CACNA1A: variants seen among roughly 807,000 people sequenced by gnomAD.
The protein encoded by CACNA1A is voltage-dependent P/Q-type calcium channel subunit alpha-1A.
CACNA1A carries 57 observed loss-of-function variants against 262.4 expected under a neutral mutation model. That is an observed-to-expected ratio of 0.22 (90% CI 0.18 to 0.27). The LOEUF is 0.27. Ranked by LOEUF, CACNA1A falls within the 10% of genes least tolerant of loss-of-function variation. CACNA1A has a pLI of 1.00. For missense variants in CACNA1A, 2,526 were observed against 3,562.8 expected (o/e 0.71, Z 7.41); for synonymous variants, 1,431 against 1,419.3 (o/e 1.01, Z -0.18).
chr19:13,368,764 C>A (rs1356459009), intron 4 of CACNA1A, among the ~76,000 whole-genome samples: 4 of 129,092 alleles, frequency 3.1e-5, no homozygotes, highest in Non-Finnish European at 5.9e-5. Context: ...GCTGGCCGGG[C>A]GCGGTGGCTC....
At chr19:13,227,283 GA>G (rs1022720032) in intron 37 of CACNA1A, 147 bp downstream of exon 37, 85 of 436,780 alleles carry the variant, frequency 1.9e-4, no homozygotes, top group African/African-American at 1.3e-3. Context: ...CTCGAGAAAA[GA>G]AAAAAAAGAA....
At chr19:13,470,610 C>T (rs2061332168) in intron 1 of CACNA1A, among the ~76,000 whole-genome samples, 1 of 152,142 alleles carries the variant, frequency 6.6e-6, no homozygotes, top group Non-Finnish European at 1.5e-5. Context: ...TCTTGTTGCC[C>T]TTTCTCCCTA....
rs560368838 is a variant in CACNA1A, at chr19:13,278,530, C to A, written c.3823-1402G>T. 2.0e-5 allele frequency among the ~76,000 whole-genome samples: 3 copies of A among 152,244 alleles called. No homozygotes were observed. The East Asian group carries it at 5.8e-4, about 29-fold the overall frequency. ...CTCCTGGTGCTTGAGATCCTCTTTA[C>A]GAAGTCTCTCCTTCCCTCTGCCCAC... On this transcript the variant is annotated intron_variant, in intron 22 of 46. Coordinates refer to ENST00000360228, the MANE Select transcript of CACNA1A (RefSeq NM_001127222.2).
chr19:13,455,647 G>A (rs921901388), intron 1 of CACNA1A, among the ~76,000 whole-genome samples: 2 of 152,112 alleles, frequency 1.3e-5, no homozygotes, highest in East Asian at 1.9e-4. Context: ...CATCATATAT[G>A]CTATGTTATG....
chr19:13,344,881 A>G (rs548057557), intron 6 of CACNA1A, among the ~76,000 whole-genome samples: 1 of 152,088 alleles, frequency 6.6e-6, no homozygotes, highest in East Asian at 1.9e-4. Context: ...CGGCCTCCCA[A>G]GTAGCTGGGA....
chr19:13,235,950 G>A, intron 31 of CACNA1A: 1 of 485,476 alleles, frequency 2.1e-6, no homozygotes. Flanking sequence ...GGAGGAAAAG[G>A]CATCAACTCA....
At chr19:13,490,857 GAGAAAGGAA>G (rs1461992871) in intron 1 of CACNA1A, among the ~76,000 whole-genome samples, 2 of 139,704 alleles carry the variant, frequency 1.4e-5, no homozygotes, top group African/African-American at 5.4e-5. Flanking sequence ...AGGAGGGAAA[GAGAAAGGAA>G]AGGAAGGAAA....
At chr19:13,261,136 C>G (rs1471206697) in intron 26 of CACNA1A, 4 of 261,714 alleles carry the variant, frequency 1.5e-5, no homozygotes, top group Non-Finnish European at 2.2e-5. Context: ...AAAATATTCT[C>G]AACTTTGAAA....
chr19:13,397,693 G>GCT (rs1185993063), intron 3 of CACNA1A, among the ~76,000 whole-genome samples: 2 of 152,162 alleles, frequency 1.3e-5, no homozygotes, highest in Non-Finnish European at 2.9e-5. Flanking sequence ...CTTCCTGGAT[G>GCT]CTCAGTTAGA....
Position 13,207,712 on chromosome 19 carries a change from CG to C in CACNA1A, c.7121del (p.Pro2374ArgfsTer234). The C allele has an allele frequency of 1.5e-6, 2 of 1,361,746 alleles. No individual in the cohort carries two copies. The highest frequency in any genetic ancestry group is 1.9e-6 in the Non-Finnish European group (2 of 1,061,588). 84.4% of individuals were successfully genotyped at this position (1,361,746 alleles called of 1,614,324 possible). On this transcript the variant is annotated frameshift_variant, in exon 47 of 47. Transcript: ENST00000360228. LOFTEE classifies it low-confidence loss of function (END_TRUNC). This position sits in a 1 kb window ranked among gnomAD's most constrained non-coding sequence, Gnocchi z 5.7. The stretch of plus-strand genomic sequence containing the variant: ...AGGCCCTGGGGGACTCGCTCCGGGC[CG>C]GGCCTGGGACCCGCCTCTCCATCCT... ...SPRMERRVPG[P>X]ARSESPRACR...
At chr19:13,315,196 C>CTTTTTTTTTTTTTTTTTTTTTTTTTTT (rs60520404) in intron 11 of CACNA1A, 2 of 109,700 alleles carry the variant, frequency 1.8e-5, no homozygotes, top group African/African-American at 3.3e-5. Flanking sequence ...TAATGTGTAT[C>CTTTTTTTTTTTTTTTTTTTTTTTTTTT]TTTTTTTTTT....
intron 3 of CACNA1A, among the ~76,000 whole-genome samples, chr19:13,376,808 ATGT>A (rs1568586236): frequency 1.3e-5 from 1 of 75,470 alleles, no homozygotes; most frequent in Non-Finnish European, 3.2e-5. Context: ...CACATAATAT[ATGT>A]TATGTGTGAT....
Position 13,262,982 on chromosome 19 carries a change from G to C in CACNA1A, c.3990-149C>G, listed in dbSNP as rs1006979914. 9 of 654,200 alleles carry C rather than the reference G, an allele frequency of 1.4e-5. No homozygotes were observed. The South Asian group carries it at 1.5e-4, about 11-fold the overall frequency. The allele number at this position is 654,200 out of a possible 1,614,324, so 40.5% of individuals were successfully genotyped here. Reference sequence around the variant, plus strand: ...GCACAGCCCTGCCCTTCCTGGTGAAGAGTGGTCCATTTCACCTGTTAAGCT... The same window carrying C: ...GCACAGCCCTGCCCTTCCTGGTGAACAGTGGTCCATTTCACCTGTTAAGCT... On this transcript the variant is annotated intron_variant, in intron 24 of 46. Transcript: ENST00000360228.
intron 38 of CACNA1A, among the ~76,000 whole-genome samples, chr19:13,224,107 G>T (rs192557850): frequency 3.7e-4 from 57 of 152,192 alleles, no homozygotes; most frequent in African/African-American, 1.4e-3. Context: ...TTTGAGACCA[G>T]AGGTCAGGAG....
At chr19:13,481,203 G>A (rs553428637) in intron 1 of CACNA1A, among the ~76,000 whole-genome samples, 54 of 152,288 alleles carry the variant, frequency 3.5e-4, no homozygotes, top group South Asian at 6.2e-4. Context: ...ACTGAGGCAC[G>A]GGAAGGTGAA....
At chr19:13,317,794 C>G (rs2058156308) in intron 10 of CACNA1A, among the ~76,000 whole-genome samples, 2 of 152,310 alleles carry the variant, frequency 1.3e-5, no homozygotes, top group South Asian at 4.2e-4. Flanking sequence ...CTGGGTGTGT[C>G]CTCTGCCTAC....
At chr19:13,226,069 G>T (rs1340916012) in intron 37 of CACNA1A, 1 of 152,046 alleles carries the variant, frequency 6.6e-6, no homozygotes, top group African/African-American at 2.4e-5. Context: ...TTGGTAGATT[G>T]CAACAATTTT....
chr19:13,376,150 G>C (rs924017847), intron 3 of CACNA1A, among the ~76,000 whole-genome samples: 1 of 152,218 alleles, frequency 6.6e-6, no homozygotes, highest in Non-Finnish European at 1.5e-5. Flanking sequence ...AGTGCTGATG[G>C]AGAAGCTGCA....
intron 1 of CACNA1A, among the ~76,000 whole-genome samples, chr19:13,462,426 A>G (rs2061141196): frequency 6.6e-6 from 1 of 152,188 alleles, no homozygotes; most frequent in South Asian, 2.1e-4. Context: ...AACCCTAGAT[A>G]TATGGGTTTA....
Sources: gnomAD v4.1 joint callset for allele counts (sites outside exome capture counted in the v4.1 genomes callset) on GRCh38, gnomAD v4.1.1 for gene constraint, Gnocchi (gnomAD v3.1) non-coding constraint, MANE v1.5 for transcripts, NCBI Gene and HGNC (gene_info 2026-07-23, HGNC 2026-07-21) for gene names.